Variants in TBC1D19 observed in about 807,000 individuals in gnomAD.
TBC1D19 encodes the protein TBC1 domain family, member 19.
In TBC1D19, 60 loss-of-function variants were observed where a neutral mutation model predicts 89.0. That is an observed-to-expected ratio of 0.67 (90% CI 0.55 to 0.84). TBC1D19 has a LOEUF of 0.84. Among genes scored for constraint, TBC1D19 ranks in the 40% least tolerant of loss-of-function variants. The probability of loss-of-function intolerance (pLI) is 0.00; values close to 1 mark genes in which losing one functional copy is unlikely to be tolerated. For synonymous variants in TBC1D19, 189 were observed against 199.7 expected, an observed-to-expected ratio of 0.95 and a Z score of 0.45; for missense variants, 500 against 610.8, an observed-to-expected ratio of 0.82 and a Z score of 1.91.
At chr4:26,722,687 C>T (rs556332778) in intron 15 of TBC1D19, among the ~76,000 whole-genome samples, 13 of 151,980 alleles carry the variant, frequency 8.6e-5, no homozygotes, top group Non-Finnish European at 1.6e-4. Flanking sequence ...CAAAAAAAAT[C>T]TCGCTATAGT....
At chr4:26,652,428 C>T (rs917298350) in intron 7 of TBC1D19, among the ~76,000 whole-genome samples, 7 of 151,936 alleles carry the variant, frequency 4.6e-5, no homozygotes, top group East Asian at 1.9e-4. Flanking sequence ...TTGTGGAGAA[C>T]GGGGTCTCAC....
intron 4 of TBC1D19, among the ~76,000 whole-genome samples, chr4:26,628,129 T>C (rs1321192346): frequency 4.6e-5 from 7 of 152,160 alleles, no homozygotes; most frequent in African/African-American, 1.2e-4. Flanking sequence ...CCCAGCATCA[T>C]TTATTAAATA....
At chr4:26,767,150 A>G in the TBC1D19 span, among the ~76,000 whole-genome samples, 1 of 152,168 alleles carries the variant, frequency 6.6e-6, no homozygotes, top group Non-Finnish European at 1.5e-5. Context: ...AGCCTGGGTG[A>G]CAGAGTGAGA....
At chr4:26,697,439 A>T (rs1179719574) in intron 13 of TBC1D19, among the ~76,000 whole-genome samples, 1 of 152,204 alleles carries the variant, frequency 6.6e-6, no homozygotes, top group Non-Finnish European at 1.5e-5. Context: ...AGGTACAAGG[A>T]GGAGCTGGTA....
chr4:26,695,386 G>A (rs777272492), intron 13 of TBC1D19, among the ~76,000 whole-genome samples: 11 of 152,204 alleles, frequency 7.2e-5, no homozygotes, highest in Non-Finnish European at 1.2e-4. Flanking sequence ...TGTCTGATTG[G>A]TGTACCTGAA....
rs1387257555 is a variant in TBC1D19, at chr4:26,742,504, C to T, written c.1228-4C>T. 1 of 1,596,554 alleles carries T rather than the reference C, an allele frequency of 6.3e-7. No individual in the cohort carries two copies. On this transcript the variant is annotated splice_region_variant and splice_polypyrimidine_tract_variant and intron_variant, in intron 17 of 20. Transcript: ENST00000264866. ...TTTCTCTTATGATTCATTATTGTAT[C>T]CAGGGTATTGTGTCACTCTGTCTGC...
At chr4:26,816,071 T>C in the TBC1D19 span, among the ~76,000 whole-genome samples, 1 of 152,164 alleles carries the variant, frequency 6.6e-6, no homozygotes, top group Non-Finnish European at 1.5e-5. Context: ...CTATAAGGCT[T>C]TGTGAATCAC....
intron 13 of TBC1D19, among the ~76,000 whole-genome samples, chr4:26,697,972 C>T (rs1714958866): frequency 6.6e-6 from 1 of 152,160 alleles, no homozygotes; most frequent in African/African-American, 2.4e-5. Flanking sequence ...TGCCCTCTCT[C>T]ACCACTCCTA....
rs557578549 is a variant in TBC1D19 at position 26,697,264 on chromosome 4, G to A, written c.954+8857G>A. ...ACAAACTAGAAAATCTAGAAGAAAT[G>A]GATAAATTCCTGGACACAAACACCC... On this transcript the variant is annotated intron_variant, in intron 13 of 20. Coordinates refer to ENST00000264866, the MANE Select transcript of TBC1D19 (RefSeq NM_018317.4). 2.0e-5 allele frequency among the ~76,000 whole-genome samples: 3 copies of A among 152,128 alleles called. 1 individual carries two copies. The South Asian group carries it at 6.2e-4, about 32-fold the overall frequency.
intron 15 of TBC1D19, among the ~76,000 whole-genome samples, chr4:26,722,783 CAT>C (rs1419644813): frequency 2.6e-5 from 4 of 152,136 alleles, no homozygotes. Flanking sequence ...AAGTATATGA[CAT>C]ATATTAATTC....
intron 3 of TBC1D19, among the ~76,000 whole-genome samples, chr4:26,616,396 T>C (rs1026739233): frequency 6.6e-6 from 1 of 152,188 alleles, no homozygotes; most frequent in African/African-American, 2.4e-5. Flanking sequence ...GTTACAGTAA[T>C]GGAACTCTTT....
the TBC1D19 span, among the ~76,000 whole-genome samples, chr4:26,850,540 C>CAAAAAAA: frequency 2.7e-3 from 244 of 90,392 alleles, 18 homozygotes; most frequent in African/African-American, 8.7e-3. Context: ...GACCCTGTCT[C>CAAAAAAA]AAAAAAAAAA....
intron 6 of TBC1D19, 57 bp downstream of exon 6, chr4:26,638,891 GT>G: frequency 7.8e-7 from 1 of 1,280,740 alleles, no homozygotes; most frequent in South Asian, 1.3e-5. Context: ...CTTCTTAACT[GT>G]GGATCCAAAA....
the TBC1D19 span, among the ~76,000 whole-genome samples, chr4:26,777,916 A>G: frequency 6.6e-6 from 1 of 152,184 alleles, no homozygotes; most frequent in South Asian, 2.1e-4. Flanking sequence ...CGCTGTCTCT[A>G]TAAAAAATTA....
chr4:26,656,993 C>CTTCTTCTT (rs1491448641), intron 7 of TBC1D19, among the ~76,000 whole-genome samples: 4 of 33,352 alleles, frequency 1.2e-4, no homozygotes, highest in African/African-American at 2.5e-4. Context: ...TTCTTCTTCT[C>CTTCTTCTT]CTTCTCCTTC....
chr4:26,678,707 G>A (rs1713066123), intron 11 of TBC1D19, among the ~76,000 whole-genome samples: 1 of 152,120 alleles, frequency 6.6e-6, no homozygotes, highest in African/African-American at 2.4e-5. Flanking sequence ...AGCTTACATT[G>A]TGGTAGTGAA....
chr4:26,804,291 G>A, the TBC1D19 span, among the ~76,000 whole-genome samples: 1 of 152,130 alleles, frequency 6.6e-6, no homozygotes, highest in Middle Eastern at 3.4e-3. Flanking sequence ...GATCACAGGC[G>A]CCCACCACCA....
chr4:26,776,762 G>A, the TBC1D19 span, among the ~76,000 whole-genome samples: 1 of 152,034 alleles, frequency 6.6e-6, no homozygotes, highest in Non-Finnish European at 1.5e-5. Context: ...CTTTCCTTGT[G>A]TATCTTAAAT....
At chr4:26,727,915 G>A (rs1717411382) in intron 15 of TBC1D19, among the ~76,000 whole-genome samples, 1 of 152,124 alleles carries the variant, frequency 6.6e-6, no homozygotes, top group East Asian at 1.9e-4. Flanking sequence ...TACACAGTAT[G>A]AAATACAGTT....
Sources: gnomAD v4.1 joint callset for allele counts (sites outside exome capture counted in the v4.1 genomes callset) on GRCh38, gnomAD v4.1.1 for gene constraint, MANE v1.5 for transcripts, NCBI Gene and HGNC (gene_info 2026-07-23, HGNC 2026-07-21) for gene names.